TBC1D22A: variants seen among roughly 807,000 people sequenced by gnomAD.
TBC1D22A encodes putative GTPase activator.
Under a neutral mutation model 60.2 loss-of-function variants are expected in TBC1D22A, and 38 were observed. The ratio of observed to expected loss-of-function variants is 0.63; its 90% CI spans 0.49 to 0.83. The LOEUF (loss-of-function observed/expected upper bound fraction) is 0.83. TBC1D22A is among the 40% of genes least tolerant of loss of function. The probability of loss-of-function intolerance (pLI) is 0.00; values close to 1 mark genes in which losing one functional copy is unlikely to be tolerated. For missense variants in TBC1D22A, 628 were observed against 701.0 expected (o/e 0.90, Z 1.18); for synonymous variants, 302 against 281.7 (o/e 1.07, Z -0.72).
chr22:46,805,038 C>G (rs763417662), intron 4 of TBC1D22A, among the ~76,000 whole-genome samples: 1 of 152,150 alleles, frequency 6.6e-6, no homozygotes, highest in African/African-American at 2.4e-5. Flanking sequence ...CATTGCTCCT[C>G]GCCCTGTACA....
chr22:46,866,354 C>T (rs146325336), intron 4 of TBC1D22A, among the ~76,000 whole-genome samples: 1,559 of 152,264 alleles, frequency 0.01, 27 homozygotes, highest in African/African-American at 0.035. Flanking sequence ...ATCGGCCCAC[C>T]GCAGCCTCCC....
chr22:47,072,466 C>T (rs2064036160), intron 11 of TBC1D22A, among the ~76,000 whole-genome samples: 1 of 152,262 alleles, frequency 6.6e-6, no homozygotes, highest in Admixed American at 6.5e-5. Context: ...TTCCCAGTCC[C>T]ATCCGTGGAG....
At chr22:46,812,228 C>T (rs2085407121) in intron 4 of TBC1D22A, among the ~76,000 whole-genome samples, 1 of 152,332 alleles carries the variant, frequency 6.6e-6, no homozygotes, top group East Asian at 1.9e-4. Flanking sequence ...CTGTTTGGAA[C>T]TCCCTCATGC....
At chr22:46,940,382 T>A (rs1193017739) in intron 8 of TBC1D22A, among the ~76,000 whole-genome samples, 6 of 151,696 alleles carry the variant, frequency 4.0e-5, no homozygotes, top group Non-Finnish European at 8.8e-5. Context: ...GCATGGAGGT[T>A]GGGGCACCAG....
intron 12 of TBC1D22A, among the ~76,000 whole-genome samples, chr22:47,155,483 A>C (rs2067677395): frequency 6.6e-6 from 1 of 152,208 alleles, no homozygotes; most frequent in African/African-American, 2.4e-5. Context: ...CCGGGCTCCC[A>C]GGATGGTCTG....
At position 46,930,063 on chromosome 22, in the gene TBC1D22A, G is replaced by A. The variant is rs2071269215; in HGVS notation, c.1015+17875G>A. On this transcript the variant is annotated intron_variant, in intron 8 of 12. Transcript: ENST00000337137. ...GTTAGCATTCCTTGTAAACAATGAT[G>A]TGGAACCTGTATATTGTCATAAGCT... Among the ~76,000 whole-genome samples, 5 of 152,192 alleles carry A rather than the reference G, an allele frequency of 3.3e-5. No individual in the cohort carries two copies. The South Asian group carries it at 1.0e-3, about 32-fold the overall frequency.
At chr22:47,137,829 AGGGAGTG>A (rs563180307) in intron 12 of TBC1D22A, among the ~76,000 whole-genome samples, 263 of 151,988 alleles carry the variant, frequency 1.7e-3, no homozygotes, top group African/African-American at 5.7e-3. Flanking sequence ...AGTGGAGAGT[AGGGAGTG>A]GGGAGTGGGG....
chr22:46,790,701 A>G (rs1272029689), intron 1 of TBC1D22A, among the ~76,000 whole-genome samples: 1 of 152,224 alleles, frequency 6.6e-6, no homozygotes, highest in East Asian at 1.9e-4. Flanking sequence ...CATAGCCGAC[A>G]CGGAGACCAC....
intron 8 of TBC1D22A, among the ~76,000 whole-genome samples, chr22:46,963,482 A>AGGCCCTTG (rs1326885413): frequency 6.7e-6 from 1 of 148,340 alleles, no homozygotes; most frequent in East Asian, 2.0e-4. Context: ...TGAATGGAGC[A>AGGCCCTTG]GGCCCTTGTT....
intron 8 of TBC1D22A, among the ~76,000 whole-genome samples, chr22:46,937,071 G>A (rs779314913): frequency 2.6e-5 from 4 of 152,188 alleles, no homozygotes; most frequent in Non-Finnish European, 5.9e-5. Context: ...TCCGGCACAG[G>A]TATGCTCTGC....
At chr22:47,159,182 C>A (rs2067849082) in intron 12 of TBC1D22A, among the ~76,000 whole-genome samples, 2 of 151,366 alleles carry the variant, frequency 1.3e-5, no homozygotes, top group Non-Finnish European at 2.9e-5. Context: ...ACTACACACA[C>A]AACACACACC....
At chr22:46,846,628 G>C (rs1428993797) in intron 4 of TBC1D22A, among the ~76,000 whole-genome samples, 1 of 152,172 alleles carries the variant, frequency 6.6e-6, no homozygotes, top group Non-Finnish European at 1.5e-5. Flanking sequence ...CACAAAGATC[G>C]AGAGAACAGT....
In TBC1D22A at chr22:46,774,279, A is replaced by G. The variant is rs546838428; in HGVS notation, c.62+11431A>G. The stretch of plus-strand genomic sequence containing the variant: ...GTCCCCCCTGGTGTTCTCTTTGCAG[A>G]CAAGAGGCAGAGGTATCAGGAGGCC... On this transcript the variant is annotated intron_variant, in intron 1 of 12. Coordinates refer to ENST00000337137, the MANE Select transcript of TBC1D22A (RefSeq NM_014346.5). 4 of 985,108 alleles carry G rather than the reference A, an allele frequency of 4.1e-6. No homozygotes were observed. The African/African-American group carries it at 7.0e-5, about 17-fold the overall frequency. The allele number at this position is 985,108 out of a possible 1,614,324, so 61.0% of individuals were successfully genotyped here. A position where few individuals can be genotyped will look rare whatever the true frequency, so the allele number is the denominator to read the frequency against.
intron 11 of TBC1D22A, among the ~76,000 whole-genome samples, chr22:47,048,602 C>T (rs2148434656): frequency 6.6e-6 from 1 of 152,332 alleles, no homozygotes; most frequent in South Asian, 2.1e-4. Flanking sequence ...GAAGCACTTA[C>T]AGTTCCCTGA....
intron 4 of TBC1D22A, among the ~76,000 whole-genome samples, chr22:46,817,024 G>T (rs1448522333): frequency 1.3e-5 from 2 of 152,134 alleles, no homozygotes; most frequent in Admixed American, 6.5e-5. Flanking sequence ...ATCTTGTATT[G>T]CACAGCTTAG....
At chr22:46,972,423 C>T (rs571338034) in intron 8 of TBC1D22A, among the ~76,000 whole-genome samples, 47 of 152,278 alleles carry the variant, frequency 3.1e-4, no homozygotes, top group African/African-American at 9.6e-4. Flanking sequence ...CATGCAGAGA[C>T]GCGGCGTGGC....
chr22:46,897,216 C>T (rs1032102865), intron 7 of TBC1D22A, among the ~76,000 whole-genome samples: 2 of 152,042 alleles, frequency 1.3e-5, no homozygotes, highest in East Asian at 1.9e-4. Flanking sequence ...CTCCACAGGT[C>T]GGGAGTGGAC....
intron 11 of TBC1D22A, among the ~76,000 whole-genome samples, chr22:47,095,060 A>T (rs2065119239): frequency 6.6e-6 from 1 of 152,266 alleles, no homozygotes; most frequent in Non-Finnish European, 1.5e-5. Flanking sequence ...TGTGATGTAC[A>T]GCTCTTACTA....
chr22:46,813,676 A>G (rs2085475161), intron 4 of TBC1D22A, among the ~76,000 whole-genome samples: 1 of 152,220 alleles, frequency 6.6e-6, no homozygotes, highest in Non-Finnish European at 1.5e-5. Context: ...CATATGTCAG[A>G]AGTTCCGTGG....
Sources: allele counts gnomAD v4.1 joint callset (sites outside exome capture counted in the v4.1 genomes callset), GRCh38; gene constraint gnomAD v4.1.1; transcripts MANE v1.5; gene names NCBI Gene and HGNC (gene_info 2026-07-23, HGNC 2026-07-21).